PER2: variants seen among roughly 807,000 people sequenced by gnomAD.
PER2 encodes the protein period circadian protein homolog 2.
PER2 carries 66 observed loss-of-function variants against 121.0 expected under a neutral mutation model. The observed-to-expected ratio is 0.55, with a 90% CI of 0.45 to 0.67. PER2 has a LOEUF of 0.67. Among genes scored for constraint, PER2 ranks in the 30% least tolerant of loss-of-function variants. The pLI is 0.00. For missense variants in PER2, 1,521 were observed against 1,635.0 expected, an observed-to-expected ratio of 0.93 and a Z score of 1.20; for synonymous variants, 684 against 659.9, an observed-to-expected ratio of 1.04 and a Z score of -0.56.
intron 8 of PER2, among the ~76,000 whole-genome samples, chr2:238,266,606 TG>T (rs1246253055): frequency 3.9e-5 from 6 of 152,246 alleles, no homozygotes; most frequent in Non-Finnish European, 8.8e-5. Context: ...ACTGGTAATT[TG>T]GGGGAATAAC....
chr2:238,292,261 G>T (rs1696961805), upstream of PER2, among the ~76,000 whole-genome samples: 1 of 152,228 alleles, frequency 6.6e-6, no homozygotes, highest in African/African-American at 2.4e-5. Context: ...GCTGTTCTTT[G>T]TTTAGGGGAG....
intron 1 of PER2, among the ~76,000 whole-genome samples, chr2:238,278,901 C>T (rs1696543580): frequency 1.3e-5 from 2 of 152,184 alleles, no homozygotes; most frequent in Non-Finnish European, 2.9e-5. Context: ...GAGTGCCAGG[C>T]CCACGGAACT....
At chr2:238,286,152 T>C (rs1696775675) in intron 1 of PER2, among the ~76,000 whole-genome samples, 1 of 152,180 alleles carries the variant, frequency 6.6e-6, no homozygotes, top group Non-Finnish European at 1.5e-5. Context: ...AAGGCAAAAG[T>C]GTCAGCCTCC....
chr2:238,252,939 C>T lies in PER2; in HGVS notation c.3084G>A (p.Arg1028=). Residue 1028 remains arginine (R), a synonymous_variant, in exon 19 of 23, where the codon CGG becomes CGA. Transcript: ENST00000254657. The surrounding 1 kb of genome is among the most constrained non-coding windows in gnomAD (Gnocchi z 4.2). ...TCAGAGGCGCCTTCGGCTGCTGGTC[C>T]CGAGAAGTGCCAGGTTTGCAGTCCG... ...VGADCKPGTS[R]DQQPKAPLTR... is the part of the protein sequence containing the mutation. The T allele has an allele frequency of 6.2e-7, 1 of 1,613,820 alleles. No homozygotes were observed. Among genetic ancestry groups the T allele is most frequent in the Non-Finnish European group, 8.5e-7 (1 of 1,180,036 alleles).
At chr2:238,261,866 T>C (rs1695944378) in intron 11 of PER2, 29 bp from the exon 12 acceptor site, 2 of 1,506,060 alleles carry the variant, frequency 1.3e-6, no homozygotes, top group Non-Finnish European at 1.8e-6. Flanking sequence ...TCTTGTTAGA[T>C]GGGGCCCCAC....
At chr2:238,285,723 C>G (rs910652457) in intron 1 of PER2, among the ~76,000 whole-genome samples, 1 of 122,596 alleles carries the variant, frequency 8.2e-6, no homozygotes, top group East Asian at 2.4e-4. Context: ...TGGTGGCCCT[C>G]CCAGCCACCA....
intron 2 of PER2, among the ~76,000 whole-genome samples, 185 bp downstream of exon 2, chr2:238,277,522 C>T (rs188766372): frequency 2.5e-4 from 38 of 152,358 alleles, no homozygotes; most frequent in Non-Finnish European, 4.4e-4. Flanking sequence ...GCAACTGGAT[C>T]TGCGAACTCG....
In PER2 at chr2:238,262,869, C is replaced by A; in HGVS notation, c.1153+83G>T. ...CCTTAGCTGATCTGACCTGTCAGAGCTAGACTGGTCCCAAGAAGCAGCCCC... is the reference window on the plus strand; with the variant it reads ...CCTTAGCTGATCTGACCTGTCAGAGATAGACTGGTCCCAAGAAGCAGCCCC... On this transcript the variant is annotated intron_variant, in intron 10 of 22. Transcript: ENST00000254657. The A allele has an allele frequency of 5.4e-6, 5 of 922,574 alleles. No individual in the cohort carries two copies. The South Asian group carries it at 5.5e-5, about 10-fold the overall frequency. 57.1% of individuals were successfully genotyped at this position (922,574 alleles called of 1,614,324 possible).
At chr2:238,266,048 CGTGT>C (rs1696087624) in intron 8 of PER2, among the ~76,000 whole-genome samples, 6 of 152,054 alleles carry the variant, frequency 3.9e-5, no homozygotes, top group Admixed American at 3.9e-4. Context: ...GGACTACAGG[CGTGT>C]GCCACCACGC....
Position 238,268,009 on chromosome 2 carries a change from G to C in PER2, c.967+47C>G, listed in dbSNP as rs140494030. The C allele has an allele frequency of 3.1e-6, 5 of 1,606,458 alleles. No individual in the cohort carries two copies. The African/African-American group carries it at 6.7e-5, about 21-fold the overall frequency. ...TGTGTGAACCACAGGAGTAACTGAG[G>C]GGGAGCCAGAGACAACATCTGCCCT... On this transcript the variant is annotated intron_variant, in intron 8 of 22. Coordinates refer to ENST00000254657, the MANE Select transcript of PER2 (RefSeq NM_022817.3). The surrounding 1 kb of genome is among the most constrained non-coding windows in gnomAD (Gnocchi z 4.0).
At chr2:238,261,966 C>T in intron 11 of PER2, 129 bp from the exon 12 acceptor site, 1 of 748,632 alleles carries the variant, frequency 1.3e-6, no homozygotes, top group Non-Finnish European at 2.3e-6. Flanking sequence ...CCCCAGGCTG[C>T]TGCCTGTCCA....
intron 6 of PER2, 148 bp from the exon 7 acceptor site, chr2:238,269,122 T>C (rs1696204129): frequency 4.4e-6 from 3 of 689,404 alleles, no homozygotes; most frequent in Admixed American, 2.4e-5. Context: ...AAATCCTTTA[T>C]GTGAGAAACC....
intron 13 of PER2, 68 bp from the exon 14 acceptor site, chr2:238,260,121 G>GAGAAC (rs1263770832): frequency 2.4e-5 from 17 of 715,632 alleles, no homozygotes; most frequent in Non-Finnish European, 3.8e-5. Context: ...CCGGCAAAGT[G>GAGAAC]AGAACAGAGG....
upstream of PER2, among the ~76,000 whole-genome samples, chr2:238,288,806 T>C (rs1696876309): frequency 6.6e-6 from 1 of 151,568 alleles, no homozygotes; most frequent in Non-Finnish European, 1.5e-5. Flanking sequence ...GTGGAAAACG[T>C]GACCGCGCGC....
In PER2 at chr2:238,271,462, A is replaced by G; in HGVS notation, c.622T>C (p.Ser208Pro). ...SLVSGKILYI[S>P]DQVASIFHCK... ...TGAAATATGGATGCAACCTGGTCAGAGATGTACAGGATCTTCCCAGACACC... is the reference window on the plus strand; with the variant it reads ...TGAAATATGGATGCAACCTGGTCAGGGATGTACAGGATCTTCCCAGACACC... Residue 208 changes from serine (S) to proline (P), a missense_variant, in exon 6 of 23, where the codon TCT (serine) becomes CCT (proline). Coordinates refer to ENST00000254657, the MANE Select transcript of PER2 (RefSeq NM_022817.3). 6.2e-7 allele frequency: 1 copy of G among 1,614,076 alleles called. No homozygotes were observed. The highest frequency in any genetic ancestry group is 8.5e-7 in the Non-Finnish European group (1 of 1,179,906).
chr2:238,282,232 G>A (rs1170681394), intron 1 of PER2, among the ~76,000 whole-genome samples: 8 of 152,172 alleles, frequency 5.3e-5, no homozygotes, highest in Admixed American at 3.9e-4. Flanking sequence ...CTCTGCACTT[G>A]CTGCTCCCTC....
chr2:238,255,956 T>C, intron 17 of PER2, 45 bp from the exon 18 acceptor site: 1 of 1,612,002 alleles, frequency 6.2e-7, no homozygotes, highest in African/African-American at 1.3e-5. Context: ...GTGCCCTGTT[T>C]ATTATTTTAA....
chr2:238,278,579 A>G (rs1696532198), intron 1 of PER2, among the ~76,000 whole-genome samples: 1 of 152,180 alleles, frequency 6.6e-6, no homozygotes. Flanking sequence ...GGAAAAACAC[A>G]TGGTCCCTCT....
upstream of PER2, among the ~76,000 whole-genome samples, chr2:238,290,709 T>A (rs894406506): frequency 1.3e-5 from 2 of 152,216 alleles, no homozygotes; most frequent in African/African-American, 4.8e-5. Context: ...CCACAAATAC[T>A]TGTTGACACC....
Sources: gnomAD v4.1 joint callset for allele counts (sites outside exome capture counted in the v4.1 genomes callset) on GRCh38, gnomAD v4.1.1 for gene constraint, Gnocchi (gnomAD v3.1) non-coding constraint, MANE v1.5 for transcripts, NCBI Gene and HGNC (gene_info 2026-07-23, HGNC 2026-07-21) for gene names.